ZDHHC14: variants seen among roughly 807,000 people sequenced by gnomAD.
ZDHHC14 encodes the protein palmitoyltransferase ZDHHC14.
A neutral mutation model predicts 47.7 loss-of-function variants in ZDHHC14; 16 were observed. The observed-to-expected ratio is 0.34, with a 90% confidence interval of 0.23 to 0.51. The LOEUF is 0.51. Ranked by LOEUF, ZDHHC14 falls within the 20% of genes least tolerant of loss-of-function variation. The pLI is 0.97. For missense variants in ZDHHC14, 515 were observed against 662.5 expected (o/e 0.78, Z 2.44); for synonymous variants, 293 against 278.9 (o/e 1.05, Z -0.50).
chr6:157,496,984 A>T (rs1780081302), intron 1 of ZDHHC14, among the ~76,000 whole-genome samples: 2 of 152,062 alleles, frequency 1.3e-5, no homozygotes, highest in Non-Finnish European at 2.9e-5. Flanking sequence ...GGGTAGAGGT[A>T]GGGTGGTGTA....
chr6:157,484,432 GTATA>G (rs1779727368), intron 1 of ZDHHC14, among the ~76,000 whole-genome samples: 1 of 140,158 alleles, frequency 7.1e-6, no homozygotes, highest in Non-Finnish European at 1.5e-5. Context: ...ATATATATAC[GTATA>G]TATACATATA....
intron 2 of ZDHHC14, among the ~76,000 whole-genome samples, chr6:157,547,943 G>C (rs1009842644): frequency 6.6e-6 from 1 of 151,188 alleles, no homozygotes; most frequent in Non-Finnish European, 1.5e-5. Context: ...ACCATAAAAT[G>C]GCTTTAAAAT....
At chr6:157,668,188 C>T (rs890298489) in intron 8 of ZDHHC14, among the ~76,000 whole-genome samples, 1 of 152,148 alleles carries the variant, frequency 6.6e-6, no homozygotes, top group African/African-American at 2.4e-5. Context: ...CTGGGGAGGG[C>T]ACAGAGAGTA....
intron 1 of ZDHHC14, among the ~76,000 whole-genome samples, chr6:157,396,449 A>T (rs902848247): frequency 6.6e-6 from 1 of 152,236 alleles, no homozygotes; most frequent in Non-Finnish European, 1.5e-5. Flanking sequence ...TGAACATAAA[A>T]GCCAAAGTCA....
At chr6:157,404,161 G>T (rs1777698753) in intron 1 of ZDHHC14, among the ~76,000 whole-genome samples, 1 of 152,168 alleles carries the variant, frequency 6.6e-6, no homozygotes, top group Non-Finnish European at 1.5e-5. Flanking sequence ...ATTTTTGAGA[G>T]AGTCTCGCTC....
chr6:157,522,690 A>G (rs1780968014), intron 1 of ZDHHC14, among the ~76,000 whole-genome samples: 1 of 146,068 alleles, frequency 6.8e-6, no homozygotes, highest in African/African-American at 2.6e-5. Flanking sequence ...TACTCACTGT[A>G]AGAAGTTTTT....
At chr6:157,395,725 C>T (rs1020528986) in intron 1 of ZDHHC14, among the ~76,000 whole-genome samples, 6 of 149,588 alleles carry the variant, frequency 4.0e-5, no homozygotes, top group African/African-American at 1.5e-4. Context: ...ACCTGGGAGG[C>T]GGAGGTTTCA....
chr6:157,553,722 A>T (rs564694362), intron 2 of ZDHHC14, among the ~76,000 whole-genome samples: 1 of 152,208 alleles, frequency 6.6e-6, no homozygotes, highest in Non-Finnish European at 1.5e-5. Context: ...ACATGTAAGG[A>T]TGGGAGATAC....
chr6:157,604,018 A>G (rs979494731), intron 3 of ZDHHC14, among the ~76,000 whole-genome samples: 3 of 152,152 alleles, frequency 2.0e-5, no homozygotes, highest in African/African-American at 7.2e-5. Context: ...TAAGAGAAAA[A>G]ATTATGTCTG....
chr6:157,643,650 A>AAAATATATATATATATAT (rs765773743), intron 5 of ZDHHC14, among the ~76,000 whole-genome samples: 1 of 72,534 alleles, frequency 1.4e-5, no homozygotes, highest in African/African-American at 4.5e-5. Flanking sequence ...CTTCATCTCA[A>AAAATATATATATATATAT]ATATATATAT....
At chr6:157,445,709 A>G (rs1778652279) in intron 1 of ZDHHC14, among the ~76,000 whole-genome samples, 1 of 152,154 alleles carries the variant, frequency 6.6e-6, no homozygotes, top group South Asian at 2.1e-4. Flanking sequence ...TGGTTTTTTA[A>G]ACTACTATAT....
intron 2 of ZDHHC14, among the ~76,000 whole-genome samples, chr6:157,561,825 T>C (rs1332075455): frequency 6.6e-6 from 1 of 152,100 alleles, no homozygotes; most frequent in Non-Finnish European, 1.5e-5. Context: ...CACCCGGCTA[T>C]TTTTTGTATT....
At chr6:157,464,363 G>A (rs1293898899) in intron 1 of ZDHHC14, among the ~76,000 whole-genome samples, 4 of 152,084 alleles carry the variant, frequency 2.6e-5, no homozygotes, top group Non-Finnish European at 2.9e-5. Context: ...TCATTTATTT[G>A]CCTTTTCTCC....
intron 3 of ZDHHC14, among the ~76,000 whole-genome samples, chr6:157,610,319 C>T (rs1784704898): frequency 1.3e-5 from 2 of 152,162 alleles, no homozygotes; most frequent in Non-Finnish European, 2.9e-5. Context: ...GTGGTCCCAG[C>T]TACTCGGGAG....
intron 1 of ZDHHC14, among the ~76,000 whole-genome samples, chr6:157,438,117 A>C (rs1434687684): frequency 1.3e-5 from 2 of 151,336 alleles, no homozygotes; most frequent in Admixed American, 6.6e-5. Flanking sequence ...AATTAATCCT[A>C]TTGTGAATAA....
At chr6:157,496,229 G>A (rs368182547) in intron 1 of ZDHHC14, among the ~76,000 whole-genome samples, 38 of 152,220 alleles carry the variant, frequency 2.5e-4, no homozygotes, top group East Asian at 2.1e-3. Flanking sequence ...TGAGATGGGA[G>A]GTCGAGTGAA....
intron 1 of ZDHHC14, among the ~76,000 whole-genome samples, chr6:157,441,092 G>T (rs926695662): frequency 7.2e-5 from 11 of 152,104 alleles, no homozygotes; most frequent in African/African-American, 2.7e-4. Context: ...CTTTTTTGTG[G>T]CTGTGATAGT....
rs34937760 is a variant in ZDHHC14, at chr6:157,534,533, T to TATTTCATTTCATTTC, written c.246-7999_246-7985dup. On this transcript the variant is annotated intron_variant, in intron 1 of 8. Coordinates refer to ENST00000359775, the MANE Select transcript of ZDHHC14 (RefSeq NM_024630.3). ...AGAAGCCTCTGGCTTCCTGGAATTC[T>TATTTCATTTCATTTC]ATTTCATTTCATTTCATTTCATTTC... Among the ~76,000 whole-genome samples, 41 of 141,198 alleles carry TATTTCATTTCATTTC rather than the reference T, an allele frequency of 2.9e-4. 1 individual carries two copies. The highest frequency in any genetic ancestry group is 5.5e-4 in the African/African-American group (21 of 38,364). The allele number at this position is 141,198 out of a possible 152,430, so 92.6% of individuals were successfully genotyped here. A position where few individuals can be genotyped will look rare whatever the true frequency, so the allele number is the denominator to read the frequency against.
intron 8 of ZDHHC14, among the ~76,000 whole-genome samples, chr6:157,655,669 G>C (rs1778053512): frequency 6.6e-6 from 1 of 152,228 alleles, no homozygotes; most frequent in African/African-American, 2.4e-5. Flanking sequence ...AGGAGATAGA[G>C]ATACAAAGTT....
Sources: gnomAD v4.1 joint callset for allele counts (sites outside exome capture counted in the v4.1 genomes callset) on GRCh38, gnomAD v4.1.1 for gene constraint, MANE v1.5 for transcripts, NCBI Gene and HGNC (gene_info 2026-07-23, HGNC 2026-07-21) for gene names.